CBFA2T3: variants seen among roughly 807,000 people sequenced by gnomAD.
CBFA2T3 encodes the protein CBFA2/RUNX1 partner transcriptional co-repressor 3.
In CBFA2T3, 31 loss-of-function variants were observed where a neutral mutation model predicts 58.6. That is an observed-to-expected ratio of 0.53 (90% CI 0.40 to 0.71). CBFA2T3 has a LOEUF of 0.71. CBFA2T3 is among the 30% of genes least tolerant of loss of function. CBFA2T3 has a pLI of 0.00. For synonymous variants in CBFA2T3, 531 were observed against 421.9 expected (o/e 1.26, Z -3.17); for missense variants, 1,076 against 963.1 (o/e 1.12, Z -1.55).
At chr16:88,883,644 G>A (rs1969230461) in intron 7 of CBFA2T3, 1 of 151,830 alleles carries the variant, frequency 6.6e-6, no homozygotes, top group African/African-American at 2.4e-5. Flanking sequence ...GCCCGGCAGT[G>A]GCCGACTCTT....
intron 1 of CBFA2T3, among the ~76,000 whole-genome samples, chr16:88,966,083 TCC>T (rs1351673401): frequency 6.6e-6 from 1 of 152,190 alleles, no homozygotes; most frequent in Non-Finnish European, 1.5e-5. Context: ...AGACCTCGCC[TCC>T]TCTCGTAGCT....
At chr16:88,967,840 C>T (rs1448359921) in intron 1 of CBFA2T3, among the ~76,000 whole-genome samples, 5 of 152,204 alleles carry the variant, frequency 3.3e-5, no homozygotes, top group Admixed American at 6.5e-5. Context: ...CCCCCTGCCC[C>T]GGAGCAGCGC....
intron 1 of CBFA2T3, among the ~76,000 whole-genome samples, chr16:88,927,966 C>G (rs1971139209): frequency 6.6e-6 from 1 of 152,214 alleles, no homozygotes; most frequent in Admixed American, 6.5e-5. Flanking sequence ...GAAGTGGGAG[C>G]CGCAGGGAGG....
intron 1 of CBFA2T3, among the ~76,000 whole-genome samples, chr16:88,929,927 T>C (rs530944571): frequency 9.6e-5 from 14 of 146,344 alleles, no homozygotes; most frequent in South Asian, 4.2e-4. Flanking sequence ...ACGCAAAAGC[T>C]ACCAATACCC....
chr16:88,928,870 C>T (rs1178868945), intron 1 of CBFA2T3, among the ~76,000 whole-genome samples: 1 of 152,180 alleles, frequency 6.6e-6, no homozygotes, highest in Non-Finnish European at 1.5e-5. Flanking sequence ...GCCACGCAGG[C>T]GTCGGGGGGA....
Position 88,876,878 on chromosome 16 carries a change from G to C in CBFA2T3, c.*98C>G, listed in dbSNP as rs1227679724. On this transcript the variant is annotated 3_prime_UTR_variant, in exon 12 of 12. Coordinates refer to ENST00000268679, the MANE Select transcript of CBFA2T3 (RefSeq NM_005187.6). The stretch of plus-strand genomic sequence containing the variant: ...CAGGTCAGGCGGGGCGCAGTGTCTG[G>C]CAGGCCAGGCATCGGAGGCCAGGCA... 1.0e-6 allele frequency: 1 copy of C among 988,540 alleles called. No homozygotes were observed. The highest frequency in any genetic ancestry group is 1.4e-6 in the Non-Finnish European group (1 of 718,282). The allele number at this position is 988,540 out of a possible 1,614,324, so 61.2% of individuals were successfully genotyped here. A position where few individuals can be genotyped will look rare whatever the true frequency, so the allele number is the denominator to read the frequency against.
At chr16:88,974,768 G>GC (rs757113142) in intron 1 of CBFA2T3, among the ~76,000 whole-genome samples, 22 of 152,076 alleles carry the variant, frequency 1.4e-4, no homozygotes, top group African/African-American at 2.9e-4. Flanking sequence ...CAGTTCCCAT[G>GC]CCCCCCATGG....
At position 88,904,072 on chromosome 16, in the gene CBFA2T3, G is replaced by A. The variant is rs149617988; in HGVS notation, c.152-2416C>T. On this transcript the variant is annotated intron_variant, in intron 1 of 11. Coordinates refer to ENST00000268679, the MANE Select transcript of CBFA2T3 (RefSeq NM_005187.6). ...CACGGCGCAAGGAGTCACCACAGCC[G>A]TCACCCAACAAGGGCTCATGGCCAC... 2.8e-3 allele frequency among the ~76,000 whole-genome samples: 423 copies of A among 152,334 alleles called. 1 individual carries two copies. Among genetic ancestry groups the A allele is most frequent in the African/African-American group, 9.2e-3 (384 of 41,570 alleles).
At chr16:88,884,928 G>A (rs1197591408) in intron 7 of CBFA2T3, 118 bp downstream of exon 7, 36 of 727,768 alleles carry the variant, frequency 4.9e-5, no homozygotes, top group Non-Finnish European at 6.1e-5. Context: ...GGGGTCTCCC[G>A]AGCTCAGGTG....
intron 5 of CBFA2T3, 134 bp from the exon 6 acceptor site, chr16:88,886,276 CCT>C (rs1969370412): frequency 1.9e-6 from 1 of 536,552 alleles, no homozygotes; most frequent in Non-Finnish European, 3.1e-6. Context: ...AGGTGCTCGA[CCT>C]CTCTGGGCCT....
chr16:88,903,122 C>T (rs1184576121), intron 1 of CBFA2T3, among the ~76,000 whole-genome samples: 1 of 152,190 alleles, frequency 6.6e-6, no homozygotes, highest in African/African-American at 2.4e-5. Flanking sequence ...GGCCCCAGCA[C>T]CATCGTCAGA....
At chr16:88,951,031 AGAGGG>A in intron 1 of CBFA2T3, 1 of 406,290 alleles carries the variant, frequency 2.5e-6, no homozygotes, top group Non-Finnish European at 4.9e-6. Context: ...GCACCGGCAC[AGAGGG>A]TCAGAGTGTT....
chr16:88,893,298 T>A (rs1212612609), intron 3 of CBFA2T3, among the ~76,000 whole-genome samples: 3 of 144,016 alleles, frequency 2.1e-5, no homozygotes, highest in Non-Finnish European at 4.6e-5. Flanking sequence ...CTGAGCAATG[T>A]GCCCCCCCCG....
At chr16:88,884,912 G>A (rs1597664791) in intron 7 of CBFA2T3, 134 bp downstream of exon 7, 5 of 652,362 alleles carry the variant, frequency 7.7e-6, no homozygotes, top group East Asian at 3.1e-5. Context: ...TGCCAGGCAG[G>A]GGGAAGGGGT....
At position 88,880,705 on chromosome 16, in the gene CBFA2T3, T is replaced by TGGCCAGGCCCCC. The variant is rs749559727; in HGVS notation, c.1471+14_1471+15insGGGGGCCTGGCC. 6,871 of 1,556,656 alleles carry TGGCCAGGCCCCC rather than the reference T, an allele frequency of 4.4e-3. 205 individuals are homozygous for TGGCCAGGCCCCC. In the African/African-American group the frequency reaches 0.069, roughly 16 times the overall value. On this transcript the variant is annotated intron_variant, in intron 10 of 11. Transcript: ENST00000268679. ...CCCACAGCTCTGCTGGCCAGGCCCC[T>TGGCCAGGCCCCC]GCACCCCCACTCACCAGCCTTCCTC...
intron 1 of CBFA2T3, among the ~76,000 whole-genome samples, chr16:88,916,854 G>A (rs777544611): frequency 1.8e-4 from 27 of 152,104 alleles, no homozygotes; most frequent in South Asian, 4.1e-4. Flanking sequence ...TGTCATATTG[G>A]TTACTAGACA....
chr16:88,898,907 T>C (rs1013330631), intron 2 of CBFA2T3, among the ~76,000 whole-genome samples: 12 of 152,206 alleles, frequency 7.9e-5, no homozygotes, highest in Non-Finnish European at 1.3e-4. Context: ...CTGAAGTCAG[T>C]GGCGCAGGCC....
intron 5 of CBFA2T3, among the ~76,000 whole-genome samples, chr16:88,889,163 A>G (rs1348585722): frequency 6.6e-6 from 1 of 151,560 alleles, no homozygotes; most frequent in African/African-American, 2.4e-5. Context: ...AGGGAAGGGA[A>G]GGGCCGCTAA....
intron 1 of CBFA2T3, among the ~76,000 whole-genome samples, chr16:88,917,237 G>T (rs1970767530): frequency 6.6e-6 from 1 of 152,192 alleles, no homozygotes; most frequent in African/African-American, 2.4e-5. Flanking sequence ...GGAGCAGAAA[G>T]TCCCACAGAC....
Sources: allele counts gnomAD v4.1 joint callset (sites outside exome capture counted in the v4.1 genomes callset), GRCh38; gene constraint gnomAD v4.1.1; transcripts MANE v1.5; gene names NCBI Gene and HGNC (gene_info 2026-07-23, HGNC 2026-07-21).